ARMCX4: variants seen among roughly 807,000 people sequenced by gnomAD.
ARMCX4 encodes the protein armadillo repeat-containing X-linked protein 4.
In ARMCX4, 3 loss-of-function variants were observed where a neutral mutation model predicts 34.7. That is an observed-to-expected ratio of 0.09 (90% confidence interval 0.04 to 0.22). ARMCX4 has a LOEUF of 0.22. ARMCX4 is among the 10% of genes least tolerant of loss of function. The probability of loss-of-function intolerance (pLI) is 1.00; values close to 1 mark genes in which losing one functional copy is unlikely to be tolerated. For synonymous variants in ARMCX4, 513 were observed against 632.8 expected (o/e 0.81, Z 2.84); for missense variants, 1,448 against 1,720.8 (o/e 0.84, Z 2.81).
intron 2 of ARMCX4, among the ~76,000 whole-genome samples, chrX:101,428,640 A>G (rs1225584038): frequency 9.0e-6 from 1 of 110,831 alleles, no homozygotes; most frequent in Non-Finnish European, 1.9e-5. Context: ...TACTTTTTGT[A>G]TCCATTTGAG....
At chrX:101,502,001 G>A (rs782528713) in intron 7 of ARMCX4, among the ~76,000 whole-genome samples, 5 of 112,605 alleles carry the variant, frequency 4.4e-5, no homozygotes, top group Non-Finnish European at 9.4e-5. Context: ...GGCCCTATGG[G>A]AAGCCCCTAT....
intron 11 of ARMCX4, among the ~76,000 whole-genome samples, chrX:101,517,591 T>C (rs926700662): frequency 6.3e-5 from 7 of 111,930 alleles, no homozygotes; most frequent in Non-Finnish European, 1.3e-4. Context: ...TTACATTTAC[T>C]TTTGTATTTT....
chrX:101,502,695 GAC>G (rs1291811297), intron 7 of ARMCX4, among the ~76,000 whole-genome samples: 2 of 111,203 alleles, frequency 1.8e-5, no homozygotes, highest in Non-Finnish European at 3.8e-5. Context: ...GATCCTATGT[GAC>G]ACAGGCATTC....
intron 11 of ARMCX4, among the ~76,000 whole-genome samples, chrX:101,523,848 T>A (rs1478116769): frequency 8.9e-6 from 1 of 112,277 alleles, no homozygotes; most frequent in Non-Finnish European, 1.9e-5. Flanking sequence ...TAAAGCAACA[T>A]GTATAAATTT....
At position 101,463,586 on chromosome X, in the gene ARMCX4, C is replaced by G. The variant is rs1267965313; in HGVS notation, c.-473+17542C>G. ...AACTGAACCTCAGGGAAAGTGAGAACCAGTCTTGTCTTCGGGAAAGACACT... is the reference window on the plus strand; with the variant it reads ...AACTGAACCTCAGGGAAAGTGAGAAGCAGTCTTGTCTTCGGGAAAGACACT... On this transcript the variant is annotated intron_variant and NMD_transcript_variant, in intron 4 of 15. Transcript: ENST00000433011. Among the ~76,000 whole-genome samples, 5 of 111,668 alleles carry G rather than the reference C, an allele frequency of 4.5e-5. No individual in the cohort carries two copies. The East Asian group carries it at 1.4e-3, about 31-fold the overall frequency.
intron 2 of ARMCX4, among the ~76,000 whole-genome samples, chrX:101,441,758 G>T (rs140037054): frequency 0.045 from 4,972 of 111,229 alleles, 88 homozygotes; most frequent in Middle Eastern, 0.073. Context: ...CAGAAAGTCT[G>T]CAGTCACAAT....
At chrX:101,433,835 C>T (rs1185309530) in intron 2 of ARMCX4, among the ~76,000 whole-genome samples, 1 of 111,824 alleles carries the variant, frequency 8.9e-6, no homozygotes, top group Admixed American at 9.6e-5. Flanking sequence ...ACTATTGGGG[C>T]AGAGACCATG....
chrX:101,486,195 G>A (rs1184005748), intron 2 of ARMCX4, 103 bp downstream of exon 2: 1 of 111,099 alleles, frequency 9.0e-6, no homozygotes, highest in South Asian at 3.8e-4. Context: ...GGTGGGGCTA[G>A]CTTGGGGACT....
intron 11 of ARMCX4, among the ~76,000 whole-genome samples, chrX:101,529,471 A>G (rs1166624800): frequency 1.8e-5 from 2 of 112,127 alleles, no homozygotes; most frequent in Non-Finnish European, 3.8e-5. Context: ...ACAAAAGCCA[A>G]AATTGACAAA....
chrX:101,514,920 A>G (rs1252158911), intron 11 of ARMCX4, among the ~76,000 whole-genome samples: 2 of 111,678 alleles, frequency 1.8e-5, no homozygotes, highest in African/African-American at 6.5e-5. Flanking sequence ...CAGCTTCATC[A>G]GGTTCTACCC....
intron 11 of ARMCX4, among the ~76,000 whole-genome samples, chrX:101,515,341 C>CTTTCTTTCTTTCTTTCTTTCTTT (rs1934684442): frequency 6.3e-5 from 1 of 15,779 alleles, no homozygotes; most frequent in African/African-American, 2.5e-4. Context: ...TCTTTCCTTT[C>CTTTCTTTCTTTCTTTCTTTCTTT]CTTTTCTTTC....
At chrX:101,482,515 C>T (rs2147651342), upstream of ARMCX4, among the ~76,000 whole-genome samples, 1 of 110,506 alleles carries the variant, frequency 9.0e-6, no homozygotes, top group South Asian at 3.9e-4. Flanking sequence ...TGCCAAGTAG[C>T]CTCCCAAGTA....
downstream of ARMCX4, among the ~76,000 whole-genome samples, chrX:101,534,074 A>C (rs1358482529): frequency 2.7e-5 from 3 of 112,117 alleles, no homozygotes; most frequent in African/African-American, 9.7e-5. Context: ...TCTAAATTAC[A>C]ATAGCCATGG....
chrX:101,423,795 A>C (rs1388525351), intron 2 of ARMCX4, among the ~76,000 whole-genome samples: 1 of 111,122 alleles, frequency 9.0e-6, no homozygotes, highest in East Asian at 2.8e-4. Flanking sequence ...GCTGAAGGTT[A>C]AATTGACTAG....
chrX:101,505,302 A>G (rs1286735578), exon 8 of ARMCX4: 1 of 111,038 alleles, frequency 9.0e-6, no homozygotes, highest in African/African-American at 3.3e-5. Flanking sequence ...GATGCCCTCA[A>G]AAGAAGTTGT....
At chrX:101,454,166 G>A (rs1173772343) in intron 4 of ARMCX4, among the ~76,000 whole-genome samples, 1 of 110,470 alleles carries the variant, frequency 9.1e-6, no homozygotes, top group Non-Finnish European at 1.9e-5. Flanking sequence ...GGGCAGTGGT[G>A]TGTTGGAAAA....
At chrX:101,421,991 G>GTTGTTATTATTATTA (rs781995478) in intron 2 of ARMCX4, among the ~76,000 whole-genome samples, 5 of 96,398 alleles carry the variant, frequency 5.2e-5, no homozygotes, top group Non-Finnish European at 1.0e-4. Context: ...TGGGGGATCA[G>GTTGTTATTATTATTA]TTATTATTAT....
chrX:101,503,890 G>A (rs1193786083), intron 7 of ARMCX4, among the ~76,000 whole-genome samples: 5 of 110,877 alleles, frequency 4.5e-5, no homozygotes, highest in Non-Finnish European at 9.4e-5. Flanking sequence ...GTAATGCCTA[G>A]GTTTTCTTCT....
chrX:101,485,073 T>G (rs1933632139), upstream of ARMCX4, among the ~76,000 whole-genome samples: 2 of 108,240 alleles, frequency 1.8e-5, no homozygotes, highest in Non-Finnish European at 3.8e-5. Context: ...GGTCTTATAG[T>G]CTAAGAGAGA....
Sources: allele counts gnomAD v4.1 joint callset (sites outside exome capture counted in the v4.1 genomes callset), GRCh38; gene constraint gnomAD v4.1.1; transcripts MANE v1.5; gene names NCBI Gene and HGNC (gene_info 2026-07-23, HGNC 2026-07-21).